The following SENP7 variants were observed in gnomAD, a reference collection of about 807,000 sequenced individuals.
The protein encoded by SENP7 is SUMO specific peptidase 7, also known as sentrin-specific protease 7.
A neutral mutation model predicts 141.2 loss-of-function variants in SENP7; 64 were observed. The observed-to-expected ratio is 0.45, with a 90% confidence interval of 0.37 to 0.56. The LOEUF is 0.56. Ranked by LOEUF, SENP7 falls within the 20% of genes least tolerant of loss-of-function variation. The pLI is 0.00. For missense variants in SENP7, 1,025 were observed against 1,212.2 expected (o/e 0.85, Z 2.29); for synonymous variants, 382 against 426.4 (o/e 0.90, Z 1.28).
chr3:101,510,474 A>C (rs2065805171), intron 1 of SENP7, among the ~76,000 whole-genome samples: 1 of 152,160 alleles, frequency 6.6e-6, no homozygotes, highest in Non-Finnish European at 1.5e-5. Flanking sequence ...TTATCTTTCT[A>C]CTGCTACCCA....
chr3:101,470,643 C>T lies in SENP7; in HGVS notation c.187-11591G>A, dbSNP rs185091264. On this transcript the variant is annotated intron_variant, in intron 3 of 23. Transcript: ENST00000394095. ...CCTATTCAACATAGTATTGGAAGTTCTGGCCAGGGCAATCGGGCAAGAGAA... is the reference window on the plus strand; with the variant it reads ...CCTATTCAACATAGTATTGGAAGTTTTGGCCAGGGCAATCGGGCAAGAGAA... 2.1e-4 allele frequency among the ~76,000 whole-genome samples: 32 copies of T among 152,276 alleles called. No homozygotes were observed. In the East Asian group the frequency reaches 6.0e-3, roughly 28 times the overall value.
At chr3:101,367,104 G>A (rs2060056837) in intron 8 of SENP7, among the ~76,000 whole-genome samples, 1 of 152,042 alleles carries the variant, frequency 6.6e-6, no homozygotes, top group African/African-American at 2.4e-5. Context: ...AAGTAATAAT[G>A]CCAATGTGAC....
At chr3:101,491,864 G>T (rs2064978862) in intron 3 of SENP7, among the ~76,000 whole-genome samples, 1 of 152,204 alleles carries the variant, frequency 6.6e-6, no homozygotes, top group African/African-American at 2.4e-5. Context: ...GGCCAAGGCA[G>T]GTGGATCACC....
chr3:101,479,735 G>C (rs575795590), intron 3 of SENP7, among the ~76,000 whole-genome samples: 13 of 149,392 alleles, frequency 8.7e-5, no homozygotes, highest in Admixed American at 2.0e-4. Flanking sequence ...AGCCCAGAAA[G>C]TGGAGGATGC....
At chr3:101,341,221 G>A (rs2059318191) in intron 15 of SENP7, among the ~76,000 whole-genome samples, 1 of 152,126 alleles carries the variant, frequency 6.6e-6, no homozygotes, top group Admixed American at 6.6e-5. Flanking sequence ...AGAAGACATG[G>A]ATGAAATATG....
At chr3:101,351,783 C>A (rs1200691875) in intron 11 of SENP7, 132 bp from the exon 12 acceptor site, 1 of 660,258 alleles carries the variant, frequency 1.5e-6, no homozygotes, top group Non-Finnish European at 2.2e-6. Flanking sequence ...TATCAATAAA[C>A]CAATAAAATA....
chr3:101,369,519 C>G (rs1239376712), intron 7 of SENP7, among the ~76,000 whole-genome samples: 1 of 152,052 alleles, frequency 6.6e-6, no homozygotes, highest in African/African-American at 2.4e-5. Flanking sequence ...ACCTTACTCC[C>G]TAAGGAAAAT....
At chr3:101,371,349 A>C (rs530628512) in intron 7 of SENP7, among the ~76,000 whole-genome samples, 109 of 152,258 alleles carry the variant, frequency 7.2e-4, no homozygotes, top group African/African-American at 2.3e-3. Flanking sequence ...GCAAGCAACA[A>C]AGAGACTTCA....
chr3:101,351,576 A>C (rs75017790), intron 12 of SENP7, 42 bp downstream of exon 12: 118,943 of 1,291,798 alleles, frequency 0.092, 6,070 homozygotes, highest in Non-Finnish European at 0.1. Context: ...TATACTAAAA[A>C]CTATAGTAAA....
intron 1 of SENP7, among the ~76,000 whole-genome samples, chr3:101,508,242 C>A (rs575564006): frequency 5.3e-5 from 8 of 152,078 alleles, no homozygotes; most frequent in Admixed American, 2.6e-4. Context: ...ACAATGGACT[C>A]ATCTTCATTT....
chr3:101,501,594 C>T (rs1004233383), intron 1 of SENP7, among the ~76,000 whole-genome samples: 3 of 151,978 alleles, frequency 2.0e-5, no homozygotes, highest in Non-Finnish European at 4.4e-5. Flanking sequence ...TAGGGAACAG[C>T]TTAACTCTCT....
Position 101,430,000 on chromosome 3 carries a change from TG to T in SENP7, c.285-12211del, listed in dbSNP as rs199831100. Among the ~76,000 whole-genome samples, 441 of 152,310 alleles carry T rather than the reference TG, an allele frequency of 2.9e-3. 12 individuals carry two copies. Among genetic ancestry groups the T allele is most frequent in the Non-Finnish European group, 7.4e-4 (50 of 68,022 alleles). ...GTGATGGATTACGTTTATTGATTTG[TG>T]TATGTTGAACCAGCTTTGCATCCCA... On this transcript the variant is annotated intron_variant, in intron 4 of 23. Transcript: ENST00000394095.
chr3:101,421,213 A>T (rs558708785), intron 4 of SENP7, among the ~76,000 whole-genome samples: 4 of 152,256 alleles, frequency 2.6e-5, no homozygotes, highest in Non-Finnish European at 4.4e-5. Context: ...TTCCCCAAAA[A>T]ATGTATGTAT....
chr3:101,428,817 T>C (rs1170358123), intron 4 of SENP7, among the ~76,000 whole-genome samples: 2 of 152,280 alleles, frequency 1.3e-5, no homozygotes, highest in Non-Finnish European at 2.9e-5. Context: ...AGGGTTTTTA[T>C]GGTTTTAGGT....
chr3:101,334,563 G>T (rs529146556), intron 17 of SENP7, among the ~76,000 whole-genome samples: 1 of 152,246 alleles, frequency 6.6e-6, no homozygotes, highest in South Asian at 2.1e-4. Context: ...TCCAGAATGA[G>T]CTAAAAGATT....
intron 6 of SENP7, among the ~76,000 whole-genome samples, chr3:101,395,462 A>G (rs2060940172): frequency 6.6e-6 from 1 of 152,116 alleles, no homozygotes; most frequent in Admixed American, 6.5e-5. Flanking sequence ...ATATGGATTT[A>G]TTTATAGGTT....
chr3:101,392,610 T>C (rs554884594), intron 6 of SENP7, among the ~76,000 whole-genome samples: 2 of 152,310 alleles, frequency 1.3e-5, no homozygotes, highest in East Asian at 3.9e-4. Context: ...ATGACCATAC[T>C]TCCCAAAGTA....
At chr3:101,420,122 C>T (rs1232262230) in intron 4 of SENP7, among the ~76,000 whole-genome samples, 1 of 152,184 alleles carries the variant, frequency 6.6e-6, no homozygotes, top group Non-Finnish European at 1.5e-5. Flanking sequence ...AATCCCAGCA[C>T]TTTGGGAGGC....
intron 4 of SENP7, among the ~76,000 whole-genome samples, chr3:101,426,868 A>C (rs760180924): frequency 1.5e-4 from 23 of 152,146 alleles, no homozygotes; most frequent in Non-Finnish European, 3.1e-4. Context: ...AGAAGCACTA[A>C]ATATGGAAAG....
Sources: gnomAD v4.1 joint callset for allele counts (sites outside exome capture counted in the v4.1 genomes callset) on GRCh38, gnomAD v4.1.1 for gene constraint, MANE v1.5 for transcripts, NCBI Gene and HGNC (gene_info 2026-07-23, HGNC 2026-07-21) for gene names.